IL1RN: variants seen among roughly 807,000 people sequenced by gnomAD.
The protein encoded by IL1RN is interleukin-1 receptor antagonist protein.
Under a neutral mutation model 13.7 loss-of-function variants are expected in IL1RN, and 10 were observed. The observed-to-expected ratio is 0.73, with a 90% CI of 0.45 to 1.24. IL1RN has a LOEUF of 1.24. IL1RN is among the 50% of genes most tolerant of loss of function. The probability of loss-of-function intolerance (pLI) is 0.00; values close to 1 mark genes in which losing one functional copy is unlikely to be tolerated. For missense variants in IL1RN, 213 were observed against 222.1 expected (o/e 0.96, Z 0.26); for synonymous variants, 102 against 82.7 (o/e 1.23, Z -1.27).
Position 113,133,268 on chromosome 2 carries a change from A to T in IL1RN, c.*397A>T. ...TGACCCCCAACCAAGTGGCTCCCACACCCTGTTTTACAAAAAAGAAAAGAC... is the reference window on the plus strand; with the variant it reads ...TGACCCCCAACCAAGTGGCTCCCACTCCCTGTTTTACAAAAAAGAAAAGAC... On this transcript the variant is annotated 3_prime_UTR_variant, in exon 4 of 4. Transcript: ENST00000409930. 1 of 282,478 alleles carries T rather than the reference A, an allele frequency of 3.5e-6. No individual in the cohort carries two copies. The highest frequency in any genetic ancestry group is 6.9e-6 in the Non-Finnish European group (1 of 143,914). 17.5% of individuals were successfully genotyped at this position (282,478 alleles called of 1,614,324 possible). A position where few individuals can be genotyped will look rare whatever the true frequency, so the allele number is the denominator to read the frequency against.
chr2:113,110,055 C>A (rs1248495635), upstream of IL1RN, among the ~76,000 whole-genome samples: 4 of 152,158 alleles, frequency 2.6e-5, no homozygotes, highest in Non-Finnish European at 5.9e-5. Context: ...ACCAAAGGAC[C>A]ACAGTCACCT....
At chr2:113,107,656 C>A (rs748454052), upstream of IL1RN, among the ~76,000 whole-genome samples, 1 of 152,010 alleles carries the variant, frequency 6.6e-6, no homozygotes, top group Non-Finnish European at 1.5e-5. Context: ...TCGCTTGAAC[C>A]CAGGAGGTAG....
At chr2:113,105,958 C>T (rs898336154), upstream of IL1RN, among the ~76,000 whole-genome samples, 1 of 152,310 alleles carries the variant, frequency 6.6e-6, no homozygotes, top group East Asian at 1.9e-4. Context: ...AGAGTTGGAA[C>T]AAGAGCCTAT....
chr2:113,110,877 C>A (rs147192061), upstream of IL1RN, among the ~76,000 whole-genome samples: 23 of 152,344 alleles, frequency 1.5e-4, no homozygotes, highest in Non-Finnish European at 2.9e-4. Flanking sequence ...CAGAGCCATA[C>A]TAAATCGATG....
exon 2 of IL1RN, chr2:113,120,091 A>T: frequency 6.2e-7 from 1 of 1,609,420 alleles, no homozygotes; most frequent in African/African-American, 1.3e-5. Flanking sequence ...AAGGAGGTGG[A>T]GGAGGAGGAG....
chr2:113,114,712 G>A (rs1686560893), upstream of IL1RN, among the ~76,000 whole-genome samples: 1 of 151,890 alleles, frequency 6.6e-6, no homozygotes, highest in South Asian at 2.1e-4. Flanking sequence ...AATATGAGTG[G>A]TGGTTTCCCA....
upstream of IL1RN, among the ~76,000 whole-genome samples, chr2:113,116,505 G>A (rs36215117): frequency 7.3e-3 from 1,104 of 151,394 alleles, 18 homozygotes; most frequent in African/African-American, 0.025. Flanking sequence ...GCGGGGGGTG[G>A]GGGGCTTTCC....
At chr2:113,103,024 G>A (rs1282218271), upstream of IL1RN, among the ~76,000 whole-genome samples, 5 of 152,180 alleles carry the variant, frequency 3.3e-5, no homozygotes, top group Admixed American at 1.3e-4. Flanking sequence ...CCATGCCCAC[G>A]GCAGACATGA....
exon 1 of IL1RN, chr2:113,117,898 G>C (rs996748725): frequency 1.3e-6 from 1 of 780,806 alleles, no homozygotes; most frequent in Non-Finnish European, 2.4e-6. Flanking sequence ...AGGAGGGGCA[G>C]CTCCACCCTG....
Position 113,133,136 on chromosome 2 carries a change from C to G in IL1RN, c.*265C>G. 1.9e-6 allele frequency: 1 copy of G among 534,384 alleles called. No individual in the cohort carries two copies. The highest frequency in any genetic ancestry group is 2.0e-5 in the South Asian group (1 of 50,208). The allele number at this position is 534,384 out of a possible 1,614,324, so 33.1% of individuals were successfully genotyped here. A position where few individuals can be genotyped will look rare whatever the true frequency, so the allele number is the denominator to read the frequency against. ...ACAAAGCCCTTCCATGTCGCCTCTG[C>G]ATTCAGGATCAAACCCCGACCACCT... is the stretch of plus-strand genomic sequence containing the variant. On this transcript the variant is annotated 3_prime_UTR_variant, in exon 4 of 4. Coordinates refer to ENST00000409930, the MANE Select transcript of IL1RN (RefSeq NM_173842.3).
chr2:113,123,122 T>G (rs1686836877), upstream of IL1RN, among the ~76,000 whole-genome samples: 1 of 151,978 alleles, frequency 6.6e-6, no homozygotes, highest in African/African-American at 2.4e-5. Context: ...CGAAACTCCA[T>G]CTCAAAAAAA....
chr2:113,109,362 A>AGATT (rs2104422071), upstream of IL1RN, among the ~76,000 whole-genome samples: 1 of 149,150 alleles, frequency 6.7e-6, no homozygotes, highest in Non-Finnish European at 1.5e-5. Flanking sequence ...TGGTGAGCAG[A>AGATT]GATTGTGCCA....
At chr2:113,125,787 A>C (rs1686933467), upstream of IL1RN, among the ~76,000 whole-genome samples, 1 of 152,202 alleles carries the variant, frequency 6.6e-6, no homozygotes, top group Non-Finnish European at 1.5e-5. Flanking sequence ...TGAGTGAGTC[A>C]TTCATACTTT....
chr2:113,120,435 G>T (rs986153636), intron 2 of IL1RN, among the ~76,000 whole-genome samples: 2 of 152,056 alleles, frequency 1.3e-5, no homozygotes, highest in African/African-American at 4.8e-5. Flanking sequence ...CACTACACTG[G>T]CAGGGTACAA....
At chr2:113,115,898 C>G (rs1686582806), upstream of IL1RN, among the ~76,000 whole-genome samples, 1 of 152,192 alleles carries the variant, frequency 6.6e-6, no homozygotes, top group South Asian at 2.1e-4. Flanking sequence ...GACTTGTAGT[C>G]CCCTGGCCCT....
chr2:113,123,144 A>G (rs1686838012), upstream of IL1RN, among the ~76,000 whole-genome samples: 1 of 152,188 alleles, frequency 6.6e-6, no homozygotes, highest in South Asian at 2.1e-4. Context: ...AAATAAATAA[A>G]TAAAGTAGAT....
At chr2:113,103,000 G>A (rs1354045206), upstream of IL1RN, among the ~76,000 whole-genome samples, 1 of 152,240 alleles carries the variant, frequency 6.6e-6, no homozygotes, top group Admixed American at 6.5e-5. Context: ...AAGTACTCAT[G>A]CTGACCTGAC....
At chr2:113,099,885 C>T in the IL1RN span, among the ~76,000 whole-genome samples, 1 of 144,310 alleles carries the variant, frequency 6.9e-6, no homozygotes, top group Admixed American at 6.8e-5. Context: ...CAGGCACCTG[C>T]CACCACGCCC....
upstream of IL1RN, among the ~76,000 whole-genome samples, chr2:113,123,029 G>T (rs900650384): frequency 2.6e-5 from 4 of 152,192 alleles, no homozygotes; most frequent in African/African-American, 9.7e-5. Flanking sequence ...GGAGGTTGAG[G>T]CAGGGGAATT....
Sources: gnomAD v4.1 joint callset for allele counts (sites outside exome capture counted in the v4.1 genomes callset) on GRCh38, gnomAD v4.1.1 for gene constraint, MANE v1.5 for transcripts, NCBI Gene and HGNC (gene_info 2026-07-23, HGNC 2026-07-21) for gene names.